LRCH3: variants seen among roughly 807,000 people sequenced by gnomAD.
The protein encoded by LRCH3 is leucine rich repeats and calponin homology domain containing 3, also known as DISP complex protein LRCH3.
A neutral mutation model predicts 104.5 loss-of-function variants in LRCH3; 68 were observed. The ratio of observed to expected loss-of-function variants is 0.65; its 90% CI spans 0.54 to 0.80. LRCH3 has a LOEUF of 0.80. LRCH3 is among the 30% of genes least tolerant of loss of function. LRCH3 has a pLI of 0.00. For missense variants in LRCH3, 951 were observed against 953.9 expected (o/e 1.00, Z 0.04); for synonymous variants, 344 against 361.3 (o/e 0.95, Z 0.54).
chr3:197,859,317 C>G, intron 15 of LRCH3: 1 of 190,172 alleles, frequency 5.3e-6, no homozygotes, highest in South Asian at 9.2e-5. Flanking sequence ...CCCTAGGCCA[C>G]CTGTTTATAA....
chr3:197,887,600 C>A lies in LRCH3; in HGVS notation c.*3934C>A. 6.5e-6 allele frequency: 1 copy of A among 153,152 alleles called. No homozygotes were observed. Among genetic ancestry groups the A allele is most frequent in the East Asian group, 2.0e-4 (1 of 4,972 alleles). 9.5% of individuals were successfully genotyped at this position (153,152 alleles called of 1,614,324 possible). ...GACAGTGTTGGGGGCTGAGAGCCCC[C>A]CTAGCAGAGCCCTTCCCATCACTGA... On this transcript the variant is annotated 3_prime_UTR_variant, in exon 21 of 21. Coordinates refer to ENST00000425562, the MANE Select transcript of LRCH3 (RefSeq NM_001365715.1).
chr3:197,878,392 T>G (rs903511893), intron 20 of LRCH3, among the ~76,000 whole-genome samples: 43 of 152,252 alleles, frequency 2.8e-4, no homozygotes, highest in African/African-American at 1.0e-3. Context: ...GTTGACCATG[T>G]TTGTTATGGG....
Position 197,886,455 on chromosome 3 carries a change from CT to C in LRCH3, c.*2790del, listed in dbSNP as rs1442841956. 2.0e-5 allele frequency: 3 copies of C among 152,330 alleles called. No homozygotes were observed. Among genetic ancestry groups the C allele is most frequent in the South Asian group, 4.1e-4 (2 of 4,830 alleles). The allele number at this position is 152,330 out of a possible 1,614,324, so 9.4% of individuals were successfully genotyped here. ...TTACAGTTCCCAACAGACCCACCAA[CT>C]CTTATATACCCTTATATAACTTGTT... On this transcript the variant is annotated 3_prime_UTR_variant, in exon 21 of 21. Transcript: ENST00000425562.
intron 17 of LRCH3, among the ~76,000 whole-genome samples, chr3:197,869,226 A>G (rs544363725): frequency 2.0e-4 from 30 of 152,252 alleles, no homozygotes; most frequent in Non-Finnish European, 3.4e-4. Flanking sequence ...AAAGCGATGC[A>G]CTGTACCTGC....
At chr3:197,805,382 T>C (rs995642786) in intron 1 of LRCH3, among the ~76,000 whole-genome samples, 2 of 152,242 alleles carry the variant, frequency 1.3e-5, no homozygotes, top group Admixed American at 1.3e-4. Context: ...AGGCTTTTTC[T>C]TCAGAGGGCT....
In LRCH3 at chr3:197,885,860, T is replaced by G. The variant is rs1286625419; in HGVS notation, c.*2194T>G. ...CTTTTGTTTCTGTAGTTGTTAACTG[T>G]TCTGGATTTTCTTTACAATGCATCC... On this transcript the variant is annotated 3_prime_UTR_variant, in exon 21 of 21. Coordinates refer to ENST00000425562, the MANE Select transcript of LRCH3 (RefSeq NM_001365715.1). 6.6e-6 allele frequency: 1 copy of G among 152,266 alleles called. No homozygotes were observed. The highest frequency in any genetic ancestry group is 2.4e-5 in the African/African-American group (1 of 41,474). The allele number at this position is 152,266 out of a possible 1,614,324, so 9.4% of individuals were successfully genotyped here. A position where few individuals can be genotyped will look rare whatever the true frequency, so the allele number is the denominator to read the frequency against.
chr3:197,833,267 C>A (rs1348878401), intron 8 of LRCH3, among the ~76,000 whole-genome samples: 2 of 144,716 alleles, frequency 1.4e-5, no homozygotes, highest in African/African-American at 5.1e-5. Context: ...CGCCTGTAAT[C>A]CCAACACTTT....
At chr3:197,847,697 A>G (rs1738951347) in intron 11 of LRCH3, 175 bp from the exon 12 acceptor site, 3 of 8,948 alleles carry the variant, frequency 3.4e-4, no homozygotes, top group Admixed American at 1.9e-3. Flanking sequence ...CCTAATACAT[A>G]TAAGAACCGT....
intron 10 of LRCH3, among the ~76,000 whole-genome samples, chr3:197,839,831 T>G (rs1420718593): frequency 6.6e-6 from 1 of 151,766 alleles, no homozygotes; most frequent in Non-Finnish European, 1.5e-5. Flanking sequence ...AAAAATAGCC[T>G]GGCATGGTGG....
intron 1 of LRCH3, among the ~76,000 whole-genome samples, chr3:197,807,556 T>G (rs1214965301): frequency 6.6e-6 from 1 of 152,124 alleles, no homozygotes; most frequent in Non-Finnish European, 1.5e-5. Context: ...CTAATCTCTG[T>G]ATTTTGGTCA....
Position 197,836,911 on chromosome 3 carries a change from C to T in LRCH3, c.1251+1089C>T, listed in dbSNP as rs539338244. Among the ~76,000 whole-genome samples the T allele has an allele frequency of 6.2e-4, 95 of 152,258 alleles. 1 individual carries two copies. Among genetic ancestry groups the T allele is most frequent in the South Asian group, 5.0e-3 (24 of 4,820 alleles). On this transcript the variant is annotated intron_variant, in intron 9 of 20. Transcript: ENST00000425562. The stretch of plus-strand genomic sequence containing the variant: ...CAGGCTGGTCTCAAACTCCTGACCT[C>T]GGGTGATCTGCCCGCCTCAGCCTCC...
Position 197,856,447 on chromosome 3 carries a change from C to T in LRCH3, c.1644+2002C>T, listed in dbSNP as rs1017626758. 2.0e-5 allele frequency among the ~76,000 whole-genome samples: 3 copies of T among 151,864 alleles called. No homozygotes were observed. Among genetic ancestry groups the T allele is most frequent in the African/African-American group, 7.3e-5 (3 of 41,332 alleles). On this transcript the variant is annotated intron_variant, in intron 14 of 20. Coordinates refer to ENST00000425562, the MANE Select transcript of LRCH3 (RefSeq NM_001365715.1). The surrounding 1 kb of genome is among the most constrained non-coding windows in gnomAD (Gnocchi z 4.2). ...TTATTTAATTATTTTGAGACAGAGTCTCCCTCTGTTGCCGAGGCTGGAGTG... is the reference window on the plus strand; with the variant it reads ...TTATTTAATTATTTTGAGACAGAGTTTCCCTCTGTTGCCGAGGCTGGAGTG...
chr3:197,880,625 C>G (rs770276755), intron 20 of LRCH3: 7 of 1,536,654 alleles, frequency 4.6e-6, no homozygotes, highest in Admixed American at 2.0e-5. Context: ...TTGTCTGTCT[C>G]TCTCTGCAGC....
rs1010860048 is a variant in LRCH3 at position 197,883,867 on chromosome 3, A to G, written c.*201A>G. 9.5e-6 allele frequency: 5 copies of G among 528,984 alleles called. No homozygotes were observed. The highest frequency in any genetic ancestry group is 4.1e-5 in the Admixed American group (1 of 24,608). The allele number at this position is 528,984 out of a possible 1,614,324, so 32.8% of individuals were successfully genotyped here. On this transcript the variant is annotated 3_prime_UTR_variant, in exon 21 of 21. Coordinates refer to ENST00000425562, the MANE Select transcript of LRCH3 (RefSeq NM_001365715.1). This position sits in a 1 kb window ranked among gnomAD's most constrained non-coding sequence, Gnocchi z 4.2. Reference sequence around the variant, plus strand: ...ATTTCCATTGAATTTTTTTACGAAGACACCATTGGTTTTCTCAGATGAAAC... The same window carrying G: ...ATTTCCATTGAATTTTTTTACGAAGGCACCATTGGTTTTCTCAGATGAAAC...
At chr3:197,806,853 C>T (rs1240780644) in intron 1 of LRCH3, among the ~76,000 whole-genome samples, 3 of 151,340 alleles carry the variant, frequency 2.0e-5, no homozygotes, top group Non-Finnish European at 4.4e-5. Flanking sequence ...CATCCGGCTC[C>T]TGAGACCCCA....
At chr3:197,855,162 A>C (rs1301911794) in intron 14 of LRCH3, among the ~76,000 whole-genome samples, 1 of 152,230 alleles carries the variant, frequency 6.6e-6, no homozygotes, top group African/African-American at 2.4e-5. Context: ...AACTGCTGCC[A>C]GGGTGCATCC....
chr3:197,826,316 A>G (rs1580672776), intron 4 of LRCH3, among the ~76,000 whole-genome samples: 1 of 152,116 alleles, frequency 6.6e-6, no homozygotes, highest in South Asian at 2.1e-4. Context: ...ATGAAGTAGG[A>G]TAGGGTGGGG....
At chr3:197,849,267 CAA>C (rs35823428) in intron 12 of LRCH3, among the ~76,000 whole-genome samples, 185 of 35,306 alleles carry the variant, frequency 5.2e-3, no homozygotes, top group African/African-American at 0.016. Flanking sequence ...GACTCCACCT[CAA>C]AAAAAAAAAA....
At chr3:197,848,370 C>G (rs889203048) in intron 12 of LRCH3, 1 of 175,898 alleles carries the variant, frequency 5.7e-6, no homozygotes, top group African/African-American at 2.4e-5. Flanking sequence ...CTCTCTCCAG[C>G]TTCCTCGCTT....
Sources: allele counts gnomAD v4.1 joint callset (sites outside exome capture counted in the v4.1 genomes callset), GRCh38; gene constraint gnomAD v4.1.1; non-coding constraint Gnocchi (gnomAD v3.1); transcripts MANE v1.5; gene names NCBI Gene and HGNC (gene_info 2026-07-23, HGNC 2026-07-21).